CNKSR3: variants seen among roughly 807,000 people sequenced by gnomAD.
CNKSR3 encodes CNKSR family member 3, also known as connector enhancer of kinase suppressor of ras 3.
CNKSR3 carries 36 observed loss-of-function variants against 67.7 expected under a neutral mutation model. The ratio of observed to expected loss-of-function variants is 0.53; its 90% CI spans 0.41 to 0.70. The LOEUF (loss-of-function observed/expected upper bound fraction) is 0.70. CNKSR3 is among the 30% of genes least tolerant of loss of function. CNKSR3 has a pLI of 0.00. For synonymous variants in CNKSR3, 281 were observed against 271.4 expected, an observed-to-expected ratio of 1.04 and a Z score of -0.35; for missense variants, 630 against 695.2, an observed-to-expected ratio of 0.91 and a Z score of 1.05.
At position 154,403,493 on chromosome 6, in the gene CNKSR3, A is replaced by G. The variant is rs1784738946; in HGVS notation, c.*2861T>C. The G allele has an allele frequency of 6.6e-6, 1 of 152,156 alleles. No homozygotes were observed. Among genetic ancestry groups the G allele is most frequent in the African/African-American group, 2.4e-5 (1 of 41,440 alleles). 9.4% of individuals were successfully genotyped at this position (152,156 alleles called of 1,614,324 possible). A position where few individuals can be genotyped will look rare whatever the true frequency, so the allele number is the denominator to read the frequency against. On this transcript the variant is annotated 3_prime_UTR_variant, in exon 13 of 13. Coordinates refer to ENST00000607772, the MANE Select transcript of CNKSR3 (RefSeq NM_173515.4). ...ATCAAGCAACTTCATATGTGAACAC[A>G]CGTCCACAATTAAACCTGGATTACT...
Position 154,407,872 on chromosome 6 carries a change from GAAAAAAAAAA to G in CNKSR3, c.1370-1230_1370-1221del, listed in dbSNP as rs56406534. The stretch of plus-strand genomic sequence containing the variant: ...TAGCCTTTTTCAAATTTTAGAATTT[GAAAAAAAAAA>G]AAAAAAAAAAAAACCTAAATTTCCA... On this transcript the variant is annotated intron_variant, in intron 12 of 12. Transcript: ENST00000607772. 7.3e-5 allele frequency among the ~76,000 whole-genome samples: 5 copies of G among 68,678 alleles called. No individual in the cohort carries two copies. The East Asian group carries it at 1.5e-3, about 20-fold the overall frequency. 45.1% of individuals were successfully genotyped at this position (68,678 alleles called of 152,430 possible). A position where few individuals can be genotyped will look rare whatever the true frequency, so the allele number is the denominator to read the frequency against.
chr6:154,459,206 A>G (rs959914130), intron 1 of CNKSR3, among the ~76,000 whole-genome samples: 1 of 152,174 alleles, frequency 6.6e-6, no homozygotes, highest in Non-Finnish European at 1.5e-5. Context: ...AAAAAACCAT[A>G]TAAAGACGAT....
intron 8 of CNKSR3, 68 bp from the exon 9 acceptor site, chr6:154,422,720 T>C: frequency 6.5e-7 from 1 of 1,546,018 alleles, no homozygotes; most frequent in Non-Finnish European, 8.9e-7. Context: ...ACCTATGAAT[T>C]TATCTCAGGG....
intron 1 of CNKSR3, among the ~76,000 whole-genome samples, chr6:154,451,805 T>C (rs1785839315): frequency 6.6e-6 from 1 of 152,198 alleles, no homozygotes; most frequent in Non-Finnish European, 1.5e-5. Context: ...AAAAAAACTA[T>C]GGTAACCATT....
Position 154,491,707 on chromosome 6 carries a change from G to A in CNKSR3, c.52+18356C>T, listed in dbSNP as rs184538248. The stretch of plus-strand genomic sequence containing the variant: ...AAAAAATGAAGAGATAATTTCTGCT[G>A]AATAACTCTTCTCTGTAGAAGCCAC... On this transcript the variant is annotated intron_variant, in intron 1 of 12. Transcript: ENST00000607772. Among the ~76,000 whole-genome samples the A allele has an allele frequency of 5.9e-5, 9 of 152,168 alleles. No homozygotes were observed. The East Asian group carries it at 1.4e-3, about 23-fold the overall frequency.
At chr6:154,429,771 C>A (rs1268046770) in intron 6 of CNKSR3, among the ~76,000 whole-genome samples, 1 of 152,120 alleles carries the variant, frequency 6.6e-6, no homozygotes, top group South Asian at 2.1e-4. Flanking sequence ...GTAGCTGCAG[C>A]CACATTAATG....
chr6:154,434,202 T>C (rs918663846), intron 4 of CNKSR3: 7 of 152,218 alleles, frequency 4.6e-5, no homozygotes, highest in Admixed American at 4.6e-4. Context: ...ATTATAGGAA[T>C]CACCATTGTC....
chr6:154,495,136 C>T (rs903026291), intron 1 of CNKSR3, among the ~76,000 whole-genome samples: 1 of 152,112 alleles, frequency 6.6e-6, no homozygotes, highest in African/African-American at 2.4e-5. Context: ...ATTTCGCGTG[C>T]CAGGCTGCAT....
intron 4 of CNKSR3, among the ~76,000 whole-genome samples, chr6:154,439,201 TAA>T (rs1278168568): frequency 6.6e-6 from 1 of 152,196 alleles, no homozygotes; most frequent in East Asian, 1.9e-4. Flanking sequence ...TATTCATATA[TAA>T]AAGTCTGCTT....
At position 154,441,242 on chromosome 6, in the gene CNKSR3, CAAAAAAA is replaced by C. The variant is rs34887626; in HGVS notation, c.507+43_507+49del. ...AAAATCCTTTCAAGAAGAGGAAAAG[CAAAAAAA>C]AAAAAAAAAAAAAAAAGAAAGTGAA... On this transcript the variant is annotated intron_variant, in intron 4 of 12. Coordinates refer to ENST00000607772, the MANE Select transcript of CNKSR3 (RefSeq NM_173515.4). The C allele has an allele frequency of 5.5e-4, 467 of 847,052 alleles. 1 individual carries two copies. The highest frequency in any genetic ancestry group is 2.0e-3 in the African/African-American group (91 of 45,216). The allele number at this position is 847,052 out of a possible 1,614,324, so 52.5% of individuals were successfully genotyped here.
At chr6:154,443,186 C>G (rs1785638911) in intron 2 of CNKSR3, among the ~76,000 whole-genome samples, 1 of 152,212 alleles carries the variant, frequency 6.6e-6, no homozygotes, top group Non-Finnish European at 1.5e-5. Flanking sequence ...GCGTGAGCCA[C>G]CGCGCCTGGC....
intron 7 of CNKSR3, among the ~76,000 whole-genome samples, chr6:154,423,510 A>G (rs1339227785): frequency 6.6e-6 from 1 of 152,166 alleles, no homozygotes; most frequent in Admixed American, 6.5e-5. Context: ...TGCCCACCTC[A>G]GCCTCCCAAA....
At chr6:154,494,157 A>G (rs1273890459) in intron 1 of CNKSR3, among the ~76,000 whole-genome samples, 2 of 152,058 alleles carry the variant, frequency 1.3e-5, no homozygotes, top group African/African-American at 2.4e-5. Flanking sequence ...GCAGTTCCAC[A>G]TGGCTGGGGA....
At chr6:154,416,967 G>A (rs540711675) in intron 9 of CNKSR3, among the ~76,000 whole-genome samples, 1 of 152,272 alleles carries the variant, frequency 6.6e-6, no homozygotes, top group Admixed American at 6.5e-5. Flanking sequence ...AGAGAACATC[G>A]CAGTGTCTCT....
At chr6:154,450,365 C>A in intron 1 of CNKSR3, 107 bp from the exon 2 acceptor site, 1 of 1,147,754 alleles carries the variant, frequency 8.7e-7, no homozygotes, top group Non-Finnish European at 1.3e-6. Context: ...AATTATGATG[C>A]CACTATCTGG....
In CNKSR3 at chr6:154,510,143, G is replaced by A. The variant is rs757841872; in HGVS notation, c.-29C>T. On this transcript the variant is annotated 5_prime_UTR_variant, in exon 1 of 13. Coordinates refer to ENST00000607772, the MANE Select transcript of CNKSR3 (RefSeq NM_173515.4). ...AAACCGCTTCGCCTCTCGCTGGGCT[G>A]GAGAGTCGCAGATAAAGTGCTGCTG... 2 of 1,613,730 alleles carry A rather than the reference G, an allele frequency of 1.2e-6. No homozygotes were observed. Among genetic ancestry groups the A allele is most frequent in the African/African-American group, 2.7e-5 (2 of 74,938 alleles).
At chr6:154,488,183 C>T (rs1231060763) in intron 1 of CNKSR3, among the ~76,000 whole-genome samples, 1 of 152,108 alleles carries the variant, frequency 6.6e-6, no homozygotes, top group African/African-American at 2.4e-5. Flanking sequence ...TACATAATTA[C>T]CACCAAAGAT....
chr6:154,442,887 AT>A (rs1252302685), intron 2 of CNKSR3, among the ~76,000 whole-genome samples: 2 of 143,034 alleles, frequency 1.4e-5, no homozygotes, highest in African/African-American at 5.3e-5. Flanking sequence ...TTATTTTTTT[AT>A]TTTTTTTATT....
At chr6:154,435,291 G>A (rs551961335) in intron 4 of CNKSR3, among the ~76,000 whole-genome samples, 6 of 152,002 alleles carry the variant, frequency 3.9e-5, no homozygotes, top group African/African-American at 7.2e-5. Flanking sequence ...CACCACACCC[G>A]GCCCACAAAT....
Sources: gnomAD v4.1 joint callset for allele counts (sites outside exome capture counted in the v4.1 genomes callset) on GRCh38, gnomAD v4.1.1 for gene constraint, MANE v1.5 for transcripts, NCBI Gene and HGNC (gene_info 2026-07-23, HGNC 2026-07-21) for gene names.